The following CTTN variants were observed in gnomAD, a reference collection of about 807,000 sequenced individuals.
CTTN encodes the protein cortactin.
CTTN carries 28 observed loss-of-function variants against 84.0 expected under a neutral mutation model. The observed-to-expected ratio is 0.33, with a 90% CI of 0.25 to 0.46. The LOEUF (loss-of-function observed/expected upper bound fraction) is 0.46. Ranked by LOEUF, CTTN falls within the 20% of genes least tolerant of loss-of-function variation. CTTN has a pLI of 1.00. For synonymous variants in CTTN, 301 were observed against 288.8 expected (o/e 1.04, Z -0.43); for missense variants, 641 against 723.8 (o/e 0.89, Z 1.31).
chr11:70,402,007 G>C (rs146960444), intron 1 of CTTN, among the ~76,000 whole-genome samples: 8,009 of 152,038 alleles, frequency 0.053, 672 homozygotes, highest in African/African-American at 0.18. Flanking sequence ...CAAAAAATTA[G>C]CTGGGTGTGA....
At position 70,429,115 on chromosome 11, in the gene CTTN, G is replaced by A; in HGVS notation, c.1092G>A (p.Glu364=). 1 of 1,614,208 alleles carries A rather than the reference G, an allele frequency of 6.2e-7. No homozygotes were observed. The highest frequency in any genetic ancestry group is 1.3e-5 in the African/African-American group (1 of 75,068). The change falls in exon 14 of 18, where the codon GAG becomes GAA. Residue 364 remains glutamate, a synonymous_variant. Transcript: ENST00000301843. ...ACCTCGCTAAGGAGAAAGAGCAGGA[G>A]GACAGGCGGAAGGCGGAGGCGGAGA... ...FENLAKEKEQ[E]DRRKAEAERA...
At chr11:70,417,218 T>A in intron 8 of CTTN, 95 bp downstream of exon 8, 1 of 955,870 alleles carries the variant, frequency 1.0e-6, no homozygotes, top group Non-Finnish European at 1.7e-6. Context: ...GTAGATTTTT[T>A]AACTGAAAAT....
intron 11 of CTTN, chr11:70,422,632 G>C (rs1221687617): frequency 1.5e-6 from 2 of 1,364,612 alleles, no homozygotes; most frequent in African/African-American, 2.9e-5. Context: ...CGTTGCAAAG[G>C]CCTGTCCGTG....
intron 2 of CTTN, among the ~76,000 whole-genome samples, chr11:70,406,503 T>G (rs2058042110): frequency 6.6e-6 from 1 of 151,774 alleles, no homozygotes; most frequent in Non-Finnish European, 1.5e-5. Flanking sequence ...AGGAATCACT[T>G]CTTTTTATAC....
chr11:70,399,701 C>T (rs1340145043), intron 1 of CTTN, among the ~76,000 whole-genome samples: 1 of 152,132 alleles, frequency 6.6e-6, no homozygotes, highest in Non-Finnish European at 1.5e-5. Context: ...GACAGGGCTT[C>T]CTCCCGCTGG....
chr11:70,413,082 C>T (rs565415091), intron 5 of CTTN, among the ~76,000 whole-genome samples: 1 of 152,334 alleles, frequency 6.6e-6, no homozygotes, highest in South Asian at 2.1e-4. Flanking sequence ...AGAGAGTCAG[C>T]TGCCAACCTC....
At chr11:70,415,948 C>G (rs927875479) in intron 7 of CTTN, 5 of 487,990 alleles carry the variant, frequency 1.0e-5, no homozygotes, top group Non-Finnish European at 1.9e-5. Flanking sequence ...TTACACATCC[C>G]CCTCGGAGCC....
Position 70,407,499 on chromosome 11 carries a change from T to C in CTTN, c.88-19T>C, listed in dbSNP as rs368185387. The C allele has an allele frequency of 6.2e-6, 10 of 1,614,066 alleles. No individual in the cohort carries two copies. The highest frequency in any genetic ancestry group is 1.7e-4 in the Middle Eastern group (1 of 6,060). ...TCACAATCCAGGCTGTGAGATTTAC[T>C]GGTCGCTTTTCTTTTCAGAATGATG... is the stretch of plus-strand genomic sequence containing the variant. On this transcript the variant is annotated intron_variant, in intron 3 of 17. Transcript: ENST00000301843.
chr11:70,424,118 G>A (rs751463550), intron 12 of CTTN, among the ~76,000 whole-genome samples: 1 of 152,148 alleles, frequency 6.6e-6, no homozygotes, highest in Admixed American at 6.5e-5. Flanking sequence ...GGCCGGGGCC[G>A]GGTCCGGGTG....
chr11:70,422,535 C>A (rs1279281864), intron 11 of CTTN: 2 of 1,294,180 alleles, frequency 1.5e-6, no homozygotes, highest in Non-Finnish European at 2.0e-6. Context: ...GATTGAGCCT[C>A]TTTTTAGCGC....
Position 70,398,603 on chromosome 11 carries a change from C to T in CTTN, c.-109C>T, listed in dbSNP as rs1415827357. 3 of 152,164 alleles carry T rather than the reference C, an allele frequency of 2.0e-5. No individual in the cohort carries two copies. Among genetic ancestry groups the T allele is most frequent in the Admixed American group, 2.0e-4 (3 of 15,282 alleles). 9.4% of individuals were successfully genotyped at this position (152,164 alleles called of 1,614,324 possible). On this transcript the variant is annotated 5_prime_UTR_variant, in exon 1 of 18. Transcript: ENST00000301843. ...CCAGGGCCGACCCGGGCCGGACCGA[C>T]CCCAGGCGGCGGTGAGCGAGCGCGG...
chr11:70,415,140 G>A (rs1042050385), intron 6 of CTTN, among the ~76,000 whole-genome samples: 2 of 152,170 alleles, frequency 1.3e-5, no homozygotes, highest in African/African-American at 4.8e-5. Flanking sequence ...GGAGCCTGGA[G>A]GGAGCAGGGA....
At chr11:70,425,746 C>T (rs536066613) in intron 13 of CTTN, among the ~76,000 whole-genome samples, 8 of 152,286 alleles carry the variant, frequency 5.3e-5, no homozygotes, top group Non-Finnish European at 1.0e-4. Flanking sequence ...CTGAGCCGCT[C>T]GGTCGCAGCT....
intron 13 of CTTN, among the ~76,000 whole-genome samples, chr11:70,428,415 T>C (rs2058321943): frequency 6.6e-6 from 1 of 151,974 alleles, no homozygotes; most frequent in Non-Finnish European, 1.5e-5. Context: ...CCGCCCACCT[T>C]AGCCTCCCAA....
chr11:70,424,306 G>A (rs1010692461), intron 12 of CTTN, among the ~76,000 whole-genome samples: 8 of 152,126 alleles, frequency 5.3e-5, no homozygotes, highest in African/African-American at 1.4e-4. Context: ...TGTGTTGTGG[G>A]TGTCTGTGGT....
In CTTN at chr11:70,407,554, A is replaced by G. The variant is rs893345265; in HGVS notation, c.124A>G (p.Lys42Glu). ...TGAGAAGGAGCAAAGATGGGGTGCC[A>G]AGACGGTGCAGGGCTCCGGGCACCA... The part of the protein sequence containing the change: ...VSEKEQRWGA[K>E]TVQGSGHQEH... Residue 42 changes from lysine (K) to glutamate (E), a missense_variant, in exon 4 of 18, where the codon AAG (lysine) becomes GAG (glutamate). By Grantham distance (56) the Lys-to-Glu change is moderately conservative. Transcript: ENST00000301843. 1 of 1,613,820 alleles carries G rather than the reference A, an allele frequency of 6.2e-7. No homozygotes were observed. Among genetic ancestry groups the G allele is most frequent in the African/African-American group, 1.3e-5 (1 of 74,992 alleles).
At chr11:70,416,472 C>G (rs1046544117) in intron 7 of CTTN, among the ~76,000 whole-genome samples, 1 of 152,150 alleles carries the variant, frequency 6.6e-6, no homozygotes, top group Non-Finnish European at 1.5e-5. Context: ...CGCTCTGTTG[C>G]CCAGGCTGGA....
rs12576250 is a variant in CTTN, at chr11:70,429,438, C to T, written c.1176+239C>T. On this transcript the variant is annotated intron_variant, in intron 14 of 17. Coordinates refer to ENST00000301843, the MANE Select transcript of CTTN (RefSeq NM_005231.4). ...TAGCGCTATCCTGGTCTTGCCGGTC[C>T]AGCCCCAGGACCCGCCAACCTGCCC... Among the ~76,000 whole-genome samples the T allele has an allele frequency of 3.1e-3, 478 of 152,322 alleles. 8 individuals carry two copies. In the East Asian group the frequency reaches 0.046, roughly 15 times the overall value.
Position 70,429,058 on chromosome 11 carries a change from C to G in CTTN, c.1035C>G (p.Ser345Arg). 1 of 1,614,152 alleles carries G rather than the reference C, an allele frequency of 6.2e-7. No homozygotes were observed. Among genetic ancestry groups the G allele is most frequent in the African/African-American group, 1.3e-5 (1 of 75,040 alleles). ...TCCCTCCTTCCTCTATAGTGACCAGCAAAACAAGTAACATCAGAGCTAACT... is the reference window on the plus strand; with the variant it reads ...TCCCTCCTTCCTCTATAGTGACCAGGAAAACAAGTAACATCAGAGCTAACT... ...QKTVPVEAVT[S>R]KTSNIRANFE... is the part of the protein sequence containing the mutation. Residue 345 changes from serine (S) to arginine (R), a missense_variant, in exon 14 of 18, where the codon AGC becomes AGG. This residue lies in a region of CTTN where 289 missense variants were observed against 273.1 expected (regional missense o/e 1.06). Transcript: ENST00000301843.
Sources: allele counts gnomAD v4.1 joint callset (sites outside exome capture counted in the v4.1 genomes callset), GRCh38; gene constraint gnomAD v4.1.1; regional missense constraint gnomAD v4.1.1; transcripts MANE v1.5; gene names NCBI Gene and HGNC (gene_info 2026-07-23, HGNC 2026-07-21).